SLC10A7: variants seen among roughly 807,000 people sequenced by gnomAD.
SLC10A7 encodes solute carrier family 10 member 7.
SLC10A7 carries 29 observed loss-of-function variants against 43.2 expected under a neutral mutation model. The ratio of observed to expected loss-of-function variants is 0.67; its 90% CI spans 0.50 to 0.92. SLC10A7 has a LOEUF of 0.92. SLC10A7 is among the 40% of genes least tolerant of loss of function. The pLI is 0.00. For synonymous variants in SLC10A7, 152 were observed against 144.8 expected, an observed-to-expected ratio of 1.05 and a Z score of -0.35; for missense variants, 295 against 403.2, an observed-to-expected ratio of 0.73 and a Z score of 2.30.
intron 5 of SLC10A7, among the ~76,000 whole-genome samples, chr4:146,350,007 A>T (rs80165379): frequency 0.098 from 14,828 of 151,718 alleles, 916 homozygotes; most frequent in East Asian, 0.23. Flanking sequence ...ATTAAAAAAA[A>T]ATATATATAT....
intron 5 of SLC10A7, among the ~76,000 whole-genome samples, chr4:146,428,674 T>C (rs1451362882): frequency 6.6e-6 from 1 of 152,116 alleles, no homozygotes; most frequent in Non-Finnish European, 1.5e-5. Flanking sequence ...TAGGATACTG[T>C]ACAGTTTCTT....
At chr4:146,380,153 A>G (rs951526666) in intron 5 of SLC10A7, among the ~76,000 whole-genome samples, 3 of 152,142 alleles carry the variant, frequency 2.0e-5, no homozygotes, top group African/African-American at 7.2e-5. Flanking sequence ...CTTTTGTTTA[A>G]AACCAGGTAT....
intron 6 of SLC10A7, among the ~76,000 whole-genome samples, chr4:146,323,485 A>T (rs1295572694): frequency 4.0e-5 from 6 of 151,888 alleles, no homozygotes; most frequent in Non-Finnish European, 8.8e-5. Flanking sequence ...AAATAGGGAA[A>T]CCTTTCCCCA....
intron 7 of SLC10A7, among the ~76,000 whole-genome samples, chr4:146,304,307 G>A (rs374874255): frequency 2.0e-5 from 3 of 151,412 alleles, no homozygotes; most frequent in African/African-American, 7.3e-5. Context: ...ACAGATGCTT[G>A]TTCCCAACAA....
At chr4:146,339,967 T>C (rs762868207) in intron 5 of SLC10A7, among the ~76,000 whole-genome samples, 1 of 151,742 alleles carries the variant, frequency 6.6e-6, no homozygotes, top group Non-Finnish European at 1.5e-5. Flanking sequence ...CCTAATGCTC[T>C]CCCTCCCCTT....
At chr4:146,261,391 G>C (rs1728210869) in intron 10 of SLC10A7, among the ~76,000 whole-genome samples, 1 of 151,978 alleles carries the variant, frequency 6.6e-6, no homozygotes, top group East Asian at 1.9e-4. Flanking sequence ...CAAGCTTCTA[G>C]GTTCTGAAAA....
chr4:146,379,198 A>T (rs905853942), intron 5 of SLC10A7, among the ~76,000 whole-genome samples: 1 of 152,188 alleles, frequency 6.6e-6, no homozygotes, highest in Non-Finnish European at 1.5e-5. Context: ...TCATTTAGAC[A>T]TATGCTGGTC....
intron 4 of SLC10A7, among the ~76,000 whole-genome samples, chr4:146,490,209 G>C (rs1201243735): frequency 6.6e-6 from 1 of 152,042 alleles, no homozygotes; most frequent in Non-Finnish European, 1.5e-5. Flanking sequence ...AGAAGAGTTG[G>C]CAATTAAATA....
At chr4:146,358,321 G>A (rs1005768094) in intron 5 of SLC10A7, among the ~76,000 whole-genome samples, 3 of 152,096 alleles carry the variant, frequency 2.0e-5, no homozygotes, top group Non-Finnish European at 4.4e-5. Context: ...ATGTGGGAGG[G>A]AAAGAAAGAG....
intron 5 of SLC10A7, among the ~76,000 whole-genome samples, chr4:146,395,322 C>T (rs908659482): frequency 1.3e-5 from 2 of 152,130 alleles, no homozygotes; most frequent in South Asian, 2.1e-4. Flanking sequence ...CCCAGAAGTT[C>T]GAGGCTGCAG....
intron 5 of SLC10A7, among the ~76,000 whole-genome samples, chr4:146,428,950 T>C (rs938213754): frequency 2.0e-5 from 3 of 152,142 alleles, no homozygotes; most frequent in Non-Finnish European, 2.9e-5. Flanking sequence ...ATTATTTCAA[T>C]GAAAATAGCA....
rs542541451 is a variant in SLC10A7 at position 146,270,007 on chromosome 4, T to C, written c.848-11170A>G. On this transcript the variant is annotated intron_variant, in intron 10 of 11. Transcript: ENST00000335472. ...TCCTTTTCATGGTACTGTGTTTATG[T>C]TGAACAAAAGCCTCAGAAGAGATTT... Among the ~76,000 whole-genome samples, 262 of 152,330 alleles carry C rather than the reference T, an allele frequency of 1.7e-3. 1 individual carries two copies. Among genetic ancestry groups the C allele is most frequent in the African/African-American group, 5.7e-3 (236 of 41,580 alleles).
intron 6 of SLC10A7, among the ~76,000 whole-genome samples, chr4:146,319,983 C>A (rs1416309802): frequency 1.3e-5 from 2 of 151,896 alleles, no homozygotes; most frequent in Non-Finnish European, 2.9e-5. Flanking sequence ...GGTGGGACCA[C>A]GTAAAATTTC....
rs538413451 is a variant in SLC10A7, at chr4:146,368,726, A to T, written c.436-42730T>A. 2.0e-5 allele frequency among the ~76,000 whole-genome samples: 3 copies of T among 152,298 alleles called. No individual in the cohort carries two copies. The East Asian group carries it at 5.8e-4, about 29-fold the overall frequency. ...CAAGTGTATATTCAATTTCTGTCAC[A>T]AGTGAAAGTTCTCCAAATGGACAGT... On this transcript the variant is annotated intron_variant, in intron 5 of 11. Coordinates refer to ENST00000335472, the MANE Select transcript of SLC10A7 (RefSeq NM_001029998.6).
chr4:146,379,264 A>G (rs1375033314), intron 5 of SLC10A7, among the ~76,000 whole-genome samples: 3 of 152,236 alleles, frequency 2.0e-5, no homozygotes. Context: ...CATTGTTCTC[A>G]GCAATTATCC....
chr4:146,416,059 A>G (rs1247045064), intron 5 of SLC10A7, among the ~76,000 whole-genome samples: 1 of 152,190 alleles, frequency 6.6e-6, no homozygotes, highest in Non-Finnish European at 1.5e-5. Context: ...ATTCTCAGGT[A>G]TGTTCAGAAC....
intron 5 of SLC10A7, among the ~76,000 whole-genome samples, chr4:146,393,011 T>C (rs754737897): frequency 2.6e-5 from 4 of 151,850 alleles, no homozygotes; most frequent in Non-Finnish European, 5.9e-5. Flanking sequence ...TTAATAAATG[T>C]TCTCCACTTA....
intron 10 of SLC10A7, among the ~76,000 whole-genome samples, chr4:146,279,510 T>C (rs1729412547): frequency 6.6e-6 from 1 of 152,200 alleles, no homozygotes; most frequent in Non-Finnish European, 1.5e-5. Context: ...CATTATTACA[T>C]AAAAATTGCC....
chr4:146,429,445 AAGAT>A (rs1322925009), intron 5 of SLC10A7, among the ~76,000 whole-genome samples: 3 of 152,202 alleles, frequency 2.0e-5, no homozygotes, highest in Admixed American at 6.5e-5. Flanking sequence ...ATAAATATTG[AAGAT>A]AGATAGAGTA....
Sources: allele counts gnomAD v4.1 joint callset (sites outside exome capture counted in the v4.1 genomes callset), GRCh38; gene constraint gnomAD v4.1.1; transcripts MANE v1.5; gene names NCBI Gene and HGNC (gene_info 2026-07-23, HGNC 2026-07-21).